MAGI2: variants seen among roughly 807,000 people sequenced by gnomAD.
MAGI2 encodes membrane-associated guanylate kinase, WW and PDZ domain-containing protein 2.
Under a neutral mutation model 133.3 loss-of-function variants are expected in MAGI2, and 35 were observed. The observed-to-expected ratio is 0.26, with a 90% CI of 0.20 to 0.35. MAGI2 has a LOEUF of 0.35. Ranked by LOEUF, MAGI2 falls within the 10% of genes least tolerant of loss-of-function variation. The pLI is 1.00. For missense variants in MAGI2, 1,636 were observed against 1,863.4 expected (o/e 0.88, Z 2.25); for synonymous variants, 729 against 710.6 (o/e 1.03, Z -0.41).
chr7:78,498,864 G>C (rs1308645118), intron 5 of MAGI2, among the ~76,000 whole-genome samples: 1 of 152,052 alleles, frequency 6.6e-6, no homozygotes, highest in African/African-American at 2.4e-5. Flanking sequence ...TCACCTTCCA[G>C]ACACAGTCAC....
At chr7:78,036,739 C>T (rs1810271145) in intron 21 of MAGI2, among the ~76,000 whole-genome samples, 2 of 152,122 alleles carry the variant, frequency 1.3e-5, no homozygotes, top group African/African-American at 4.8e-5. Flanking sequence ...ACCTCAGCCT[C>T]CTGAATAGCT....
intron 1 of MAGI2, among the ~76,000 whole-genome samples, chr7:79,051,566 T>G (rs1253392891): frequency 3.9e-5 from 6 of 152,200 alleles, no homozygotes; most frequent in Admixed American, 1.3e-4. Flanking sequence ...ATTGCACATG[T>G]CTTTTATAAA....
At chr7:78,552,757 C>T (rs1455379396) in intron 3 of MAGI2, among the ~76,000 whole-genome samples, 4 of 152,026 alleles carry the variant, frequency 2.6e-5, no homozygotes, top group African/African-American at 9.7e-5. Flanking sequence ...AGCTAGGGTG[C>T]CCTGAGCCAA....
At chr7:78,463,675 A>G (rs188413618) in intron 6 of MAGI2, among the ~76,000 whole-genome samples, 1 of 152,308 alleles carries the variant, frequency 6.6e-6, no homozygotes, top group Non-Finnish European at 1.5e-5. Flanking sequence ...GTGGTTTGAT[A>G]TGGAGAAAGT....
At chr7:78,065,467 TA>T in intron 21 of MAGI2, 1 of 572,210 alleles carries the variant, frequency 1.7e-6, no homozygotes, top group South Asian at 2.5e-5. Flanking sequence ...ACTCTAGAAA[TA>T]ATTAGACAAG....
At chr7:79,180,623 T>C (rs1280170738) in intron 1 of MAGI2, among the ~76,000 whole-genome samples, 1 of 151,952 alleles carries the variant, frequency 6.6e-6, no homozygotes, top group Middle Eastern at 3.2e-3. Flanking sequence ...AACCACATAA[T>C]TCTGCCCCAG....
chr7:79,177,443 C>T (rs1826199489), intron 1 of MAGI2, among the ~76,000 whole-genome samples: 1 of 151,998 alleles, frequency 6.6e-6, no homozygotes, highest in Admixed American at 6.6e-5. Context: ...GTCCTCTAAA[C>T]ATAAGCTACA....
chr7:79,392,244 T>C (rs1844710926), intron 1 of MAGI2, among the ~76,000 whole-genome samples: 1 of 152,172 alleles, frequency 6.6e-6, no homozygotes, highest in African/African-American at 2.4e-5. Flanking sequence ...ACATTTTCTT[T>C]AACCAGTCTA....
At chr7:78,154,147 T>A (rs1824159169) in intron 16 of MAGI2, among the ~76,000 whole-genome samples, 1 of 152,244 alleles carries the variant, frequency 6.6e-6, no homozygotes. Flanking sequence ...GACCTGTTAG[T>A]GAAGTTTTAA....
intron 2 of MAGI2, among the ~76,000 whole-genome samples, chr7:78,663,140 T>C (rs1813156902): frequency 6.6e-6 from 1 of 151,984 alleles, no homozygotes; most frequent in African/African-American, 2.4e-5. Context: ...TTTTCTTCTA[T>C]TTGGTTACCA....
rs563753496 is a variant in MAGI2, at chr7:78,317,110, T to C, written c.1408+26668A>G. Among the ~76,000 whole-genome samples, 54 of 152,344 alleles carry C rather than the reference T, an allele frequency of 3.5e-4. 1 individual carries two copies. In the South Asian group the frequency reaches 0.011, roughly 31 times the overall value. On this transcript the variant is annotated intron_variant, in intron 9 of 21. Coordinates refer to ENST00000354212, the MANE Select transcript of MAGI2 (RefSeq NM_012301.4). ...ATTGAATAGCGCTGCATAAAACAAC[T>C]ATTGCATATTGATTTTTTCTTTTGC...
chr7:78,620,585 G>A (rs1421850040), intron 3 of MAGI2, among the ~76,000 whole-genome samples: 1 of 151,930 alleles, frequency 6.6e-6, no homozygotes, highest in African/African-American at 2.4e-5. Flanking sequence ...AACCTGGTGT[G>A]CTGTTTGCAG....
At chr7:78,472,507 T>G (rs1335482455) in intron 6 of MAGI2, among the ~76,000 whole-genome samples, 1 of 152,038 alleles carries the variant, frequency 6.6e-6, no homozygotes, top group African/African-American at 2.4e-5. Context: ...AGAAAAAAAT[T>G]TAAGGATTGC....
At chr7:78,598,138 A>C (rs1393764474) in intron 3 of MAGI2, among the ~76,000 whole-genome samples, 1 of 152,182 alleles carries the variant, frequency 6.6e-6, no homozygotes, top group Non-Finnish European at 1.5e-5. Flanking sequence ...ATATTTATGG[A>C]ATGCTTTTTA....
intron 2 of MAGI2, among the ~76,000 whole-genome samples, chr7:78,989,580 G>A (rs1805563506): frequency 6.6e-6 from 1 of 152,070 alleles, no homozygotes; most frequent in South Asian, 2.1e-4. Context: ...GATTCTGAAT[G>A]CATCTTTTTC....
At chr7:79,033,252 A>AAAGCTTAACTTGATCCAAGCAAG (rs1810781917) in intron 1 of MAGI2, among the ~76,000 whole-genome samples, 1 of 152,238 alleles carries the variant, frequency 6.6e-6, no homozygotes, top group Non-Finnish European at 1.5e-5. Context: ...GCTTCAAAAT[A>AAAGCTTAACTTGATCCAAGCAAG]AAGCTTAACT....
At chr7:78,028,723 C>T (rs966268078) in intron 21 of MAGI2, among the ~76,000 whole-genome samples, 1 of 151,876 alleles carries the variant, frequency 6.6e-6, no homozygotes, top group Admixed American at 6.6e-5. Context: ...GGCATGGTGG[C>T]ACGTGCCTGT....
chr7:78,252,967 GC>G (rs1179664802), intron 10 of MAGI2: 1 of 145,956 alleles, frequency 6.9e-6, no homozygotes, highest in Non-Finnish European at 1.5e-5. Context: ...AAAACAATGG[GC>G]AGCTATTGGA....
chr7:78,819,188 T>C (rs920910206), intron 2 of MAGI2, among the ~76,000 whole-genome samples: 1 of 152,142 alleles, frequency 6.6e-6, no homozygotes, highest in Non-Finnish European at 1.5e-5. Context: ...GCATTTATTG[T>C]AGGATTATAT....
Sources: gnomAD v4.1 joint callset for allele counts (sites outside exome capture counted in the v4.1 genomes callset) on GRCh38, gnomAD v4.1.1 for gene constraint, MANE v1.5 for transcripts, NCBI Gene and HGNC (gene_info 2026-07-23, HGNC 2026-07-21) for gene names.